Variants in BCAS3 observed in about 807,000 individuals in gnomAD.
BCAS3 encodes the protein BCAS3 microtubule associated cell migration factor.
In BCAS3, 53 loss-of-function variants were observed where a neutral mutation model predicts 116.1. That is an observed-to-expected ratio of 0.46 (90% CI 0.37 to 0.57). The LOEUF is 0.57. Ranked by LOEUF, BCAS3 falls within the 20% of genes least tolerant of loss-of-function variation. BCAS3 has a pLI of 0.00. For missense variants in BCAS3, 917 were observed against 1,165.4 expected, an observed-to-expected ratio of 0.79 and a Z score of 3.10; for synonymous variants, 391 against 408.2, an observed-to-expected ratio of 0.96 and a Z score of 0.51.
At chr17:60,905,061 G>C (rs111295246) in intron 11 of BCAS3, among the ~76,000 whole-genome samples, 196 of 152,204 alleles carry the variant, frequency 1.3e-3, no homozygotes, top group African/African-American at 4.3e-3. Context: ...AATGAACATA[G>C]ATGTGAAAAA....
chr17:60,764,223 C>T (rs910352100), intron 6 of BCAS3, among the ~76,000 whole-genome samples: 1 of 149,274 alleles, frequency 6.7e-6, no homozygotes, highest in African/African-American at 2.5e-5. Context: ...TTAGTTATTT[C>T]TTGCCTTCTG....
intron 4 of BCAS3, among the ~76,000 whole-genome samples, chr17:60,697,927 C>T (rs1379387053): frequency 6.6e-6 from 1 of 152,134 alleles, no homozygotes; most frequent in African/African-American, 2.4e-5. Context: ...CGCCTGTAAT[C>T]CCAGCACTTT....
At chr17:61,305,506 G>A (rs1330704005) in intron 22 of BCAS3, among the ~76,000 whole-genome samples, 2 of 152,192 alleles carry the variant, frequency 1.3e-5, no homozygotes, top group Non-Finnish European at 2.9e-5. Context: ...TCTGTTAAAT[G>A]TGCATAATCG....
rs35691381 is a variant in BCAS3 at position 60,770,400 on chromosome 17, CTTTTTTTTTTTTTTTTTTTTT to C, written c.403+23138_403+23158del. On this transcript the variant is annotated intron_variant, in intron 6 of 23. Coordinates refer to ENST00000407086, the MANE Select transcript of BCAS3 (RefSeq NM_017679.5). ...CGCCTCTCTCATCCCAGTGTTCCCT[CTTTTTTTTTTTTTTTTTTTTT>C]TTTTTTTTTTTTTTTTGAGACAGAG... Among the ~76,000 whole-genome samples, 128 of 76,906 alleles carry C rather than the reference CTTTTTTTTTTTTTTTTTTTTT, an allele frequency of 1.7e-3. 2 individuals are homozygous for C. The Middle Eastern group carries it at 0.031, about 19-fold the overall frequency. 50.5% of individuals were successfully genotyped at this position (76,906 alleles called of 152,430 possible).
At position 61,224,161 on chromosome 17, in the gene BCAS3, T is replaced by C. The variant is rs555151477; in HGVS notation, c.2425+139597T>C. Among the ~76,000 whole-genome samples the C allele has an allele frequency of 6.6e-6, 1 of 152,374 alleles. No homozygotes were observed. The highest frequency in any genetic ancestry group is 2.1e-4 in the South Asian group (1 of 4,828). On this transcript the variant is annotated intron_variant, in intron 22 of 23. Coordinates refer to ENST00000407086, the MANE Select transcript of BCAS3 (RefSeq NM_017679.5). This position sits in a 1 kb window ranked among gnomAD's most constrained non-coding sequence, Gnocchi z 5.7. ...ATGCTTTATCTTTATTATTTTCCCA[T>C]TGATTTATAAGAGAAATCTTTAAGC...
intron 22 of BCAS3, among the ~76,000 whole-genome samples, chr17:61,185,522 T>A (rs2079716236): frequency 6.6e-6 from 1 of 152,136 alleles, no homozygotes; most frequent in Non-Finnish European, 1.5e-5. Context: ...AGTAACCAAC[T>A]GACAATTACA....
chr17:61,147,729 G>A (rs1016746102), intron 22 of BCAS3, among the ~76,000 whole-genome samples: 5 of 152,036 alleles, frequency 3.3e-5, no homozygotes, highest in African/African-American at 1.2e-4. Flanking sequence ...GCTCACGCCT[G>A]TAATCCCAGC....
intron 7 of BCAS3, among the ~76,000 whole-genome samples, chr17:60,861,973 G>C (rs1304466943): frequency 1.3e-5 from 2 of 152,116 alleles, no homozygotes; most frequent in African/African-American, 4.8e-5. Context: ...GTCTCTGCCA[G>C]GTTTTGGTAT....
rs1310451808 is a variant in BCAS3 at position 60,994,318 on chromosome 17, T to C, written c.1486+4083T>C. Among the ~76,000 whole-genome samples, 1 of 152,114 alleles carries C rather than the reference T, an allele frequency of 6.6e-6. No homozygotes were observed. The highest frequency in any genetic ancestry group is 1.5e-5 in the Non-Finnish European group (1 of 67,976). On this transcript the variant is annotated intron_variant, in intron 15 of 23. Transcript: ENST00000407086. This position sits in a 1 kb window ranked among gnomAD's most constrained non-coding sequence, Gnocchi z 4.4. ...CTATAACACTTTATTTTTAATATAT[T>C]GATAACTGTACTTCAGTATAGTTCA...
chr17:60,855,112 G>A (rs187404160), intron 7 of BCAS3, among the ~76,000 whole-genome samples: 1 of 151,518 alleles, frequency 6.6e-6, no homozygotes, highest in Non-Finnish European at 1.5e-5. Flanking sequence ...ACCACGCCTG[G>A]CTAATTTTTG....
intron 7 of BCAS3, among the ~76,000 whole-genome samples, chr17:60,854,637 A>G (rs1326792567): frequency 1.3e-5 from 2 of 152,218 alleles, no homozygotes; most frequent in African/African-American, 2.4e-5. Flanking sequence ...AATCAAAACC[A>G]CAATGAGATA....
intron 22 of BCAS3, among the ~76,000 whole-genome samples, chr17:61,147,550 C>T (rs1053909701): frequency 1.3e-5 from 2 of 152,128 alleles, no homozygotes; most frequent in South Asian, 2.1e-4. Context: ...ATCAAAGTAG[C>T]GCTAATAGAT....
chr17:60,888,714 A>G (rs1215547583), intron 9 of BCAS3, among the ~76,000 whole-genome samples: 1 of 152,216 alleles, frequency 6.6e-6, no homozygotes, highest in Non-Finnish European at 1.5e-5. Flanking sequence ...TATTGCAAAC[A>G]TACTCCTTCA....
At chr17:60,798,127 G>T (rs990725538) in intron 6 of BCAS3, among the ~76,000 whole-genome samples, 3 of 152,180 alleles carry the variant, frequency 2.0e-5, no homozygotes, top group Non-Finnish European at 2.9e-5. Flanking sequence ...TTGTATCATA[G>T]TGGTACATTT....
In BCAS3 at chr17:61,381,304, A is replaced by T. The variant is rs560237002; in HGVS notation, c.2594-10673A>T. Reference sequence around the variant, plus strand: ...CCTGAGCCAGCTGAATTGAATAATGAATAGAGCCCCGGCACCAGCAGCCAG... The same window carrying T: ...CCTGAGCCAGCTGAATTGAATAATGTATAGAGCCCCGGCACCAGCAGCCAG... On this transcript the variant is annotated intron_variant, in intron 23 of 23. Transcript: ENST00000407086. The surrounding 1 kb of genome is among the most constrained non-coding windows in gnomAD (Gnocchi z 6.0). Among the ~76,000 whole-genome samples the T allele has an allele frequency of 6.6e-6, 1 of 152,260 alleles. No homozygotes were observed. Among genetic ancestry groups the T allele is most frequent in the Non-Finnish European group, 1.5e-5 (1 of 68,050 alleles).
chr17:61,208,224 G>A lies in BCAS3; in HGVS notation c.2425+123660G>A, dbSNP rs1011894896. On this transcript the variant is annotated intron_variant, in intron 22 of 23. Coordinates refer to ENST00000407086, the MANE Select transcript of BCAS3 (RefSeq NM_017679.5). The surrounding 1 kb of genome is among the most constrained non-coding windows in gnomAD (Gnocchi z 4.5). ...CCACTTTCCTGGGCTTGGTATTTTA[G>A]TTATTGTATTGTCTACTCATATATT... Among the ~76,000 whole-genome samples, 30 of 152,074 alleles carry A rather than the reference G, an allele frequency of 2.0e-4. No homozygotes were observed. Among genetic ancestry groups the A allele is most frequent in the African/African-American group, 7.0e-4 (29 of 41,408 alleles).
At chr17:61,039,700 C>T (rs1468222877) in intron 18 of BCAS3, among the ~76,000 whole-genome samples, 1 of 152,166 alleles carries the variant, frequency 6.6e-6, no homozygotes, top group Non-Finnish European at 1.5e-5. Flanking sequence ...GGATTACAGG[C>T]GTGAGCCACC....
intron 22 of BCAS3, among the ~76,000 whole-genome samples, chr17:61,345,552 A>C (rs1263407482): frequency 6.6e-6 from 1 of 152,186 alleles, no homozygotes; most frequent in Non-Finnish European, 1.5e-5. Flanking sequence ...GCTGAGGAGC[A>C]GGGAGCGCCT....
intron 7 of BCAS3, among the ~76,000 whole-genome samples, chr17:60,849,304 G>C (rs1161637899): frequency 6.7e-6 from 1 of 149,078 alleles, no homozygotes; most frequent in Non-Finnish European, 1.5e-5. Context: ...TTAATCTGCT[G>C]TCTTTTAAAT....
Sources: gnomAD v4.1 joint callset for allele counts (sites outside exome capture counted in the v4.1 genomes callset) on GRCh38, gnomAD v4.1.1 for gene constraint, Gnocchi (gnomAD v3.1) non-coding constraint, MANE v1.5 for transcripts, NCBI Gene and HGNC (gene_info 2026-07-23, HGNC 2026-07-21) for gene names.